Variants in ABCC1 observed in about 807,000 individuals in gnomAD.
ABCC1 encodes multidrug resistance-associated protein 1.
In ABCC1, 83 loss-of-function variants were observed where a neutral mutation model predicts 172.9. That is an observed-to-expected ratio of 0.48 (90% confidence interval 0.40 to 0.58). The LOEUF (loss-of-function observed/expected upper bound fraction) is 0.58, where lower values mean the gene tolerates loss of function less well. Ranked by LOEUF, ABCC1 falls within the 20% of genes least tolerant of loss-of-function variation. ABCC1 has a pLI of 0.00. For synonymous variants in ABCC1, 937 were observed against 825.2 expected (o/e 1.14, Z -2.32); for missense variants, 1,817 against 2,002.7 (o/e 0.91, Z 1.77).
At chr16:16,110,522 T>G (rs1220917103) in intron 21 of ABCC1, among the ~76,000 whole-genome samples, 1 of 152,094 alleles carries the variant, frequency 6.6e-6, no homozygotes, top group African/African-American at 2.4e-5. Context: ...CCCGAGTAGC[T>G]GAGATGACAT....
In ABCC1 at chr16:16,141,297, T is replaced by C. The variant is rs2046118271; in HGVS notation, c.*16T>C. 1.2e-6 allele frequency: 2 copies of C among 1,612,060 alleles called. No homozygotes were observed. The highest frequency in any genetic ancestry group is 1.7e-5 in the Admixed American group (1 of 59,986). ...CTTGGTGTGAGCCCCAGAGCTGGCA[T>C]ATCTGGTCAGAACTGCAGGGCCTAT... On this transcript the variant is annotated 3_prime_UTR_variant, in exon 31 of 31. Transcript: ENST00000399410.
chr16:15,958,428 G>T (rs2046053704), intron 1 of ABCC1, among the ~76,000 whole-genome samples: 1 of 152,054 alleles, frequency 6.6e-6, no homozygotes, highest in Non-Finnish European at 1.5e-5. Context: ...TTTTAAAATT[G>T]TGCTTCCTCA....
chr16:15,985,290 G>T (rs1419887804), intron 1 of ABCC1, among the ~76,000 whole-genome samples: 1 of 152,196 alleles, frequency 6.6e-6, no homozygotes. Context: ...TTCACTGGAG[G>T]TGCTGTTGGG....
At chr16:16,079,806 CATT>C (rs2050735495) in intron 16 of ABCC1, among the ~76,000 whole-genome samples, 1 of 150,338 alleles carries the variant, frequency 6.7e-6, no homozygotes, top group Non-Finnish European at 1.5e-5. Flanking sequence ...TTATTATTAT[CATT>C]ATTATTGTGT....
rs1211132534 is a variant in ABCC1, at chr16:16,083,447, G to C, written c.2197G>C (p.Glu733Gln). 1.9e-6 allele frequency: 3 copies of C among 1,613,820 alleles called. No homozygotes were observed. The African/African-American group carries it at 4.0e-5, about 22-fold the overall frequency. ...AAACATCCTTTTTGGATGTCAGCTG[G>C]AGGAACCATATTACAGGTCCGTGAT... Reference protein sequence around the residue: ...RENILFGCQLEEPYYRSVIQA... With the variant: ...RENILFGCQLQEPYYRSVIQA... Residue 733 changes from glutamate to glutamine, a missense_variant, in exon 17 of 31, where the codon GAG becomes CAG. Transcript: ENST00000399410.
At position 16,052,773 on chromosome 16, in the gene ABCC1, T is replaced by G. The variant is rs1322074946; in HGVS notation, c.1430T>G (p.Val477Gly). Residue 477 changes from valine (V) to glycine (G), a missense_variant, in exon 11 of 31, where the codon GTG becomes GGG. This residue lies in a region of ABCC1 where 1,412 missense variants were observed against 1,600.3 expected (regional missense o/e 0.88). Coordinates refer to ENST00000399410, the MANE Select transcript of ABCC1 (RefSeq NM_004996.4). ...LAGVAVMVLM[V>G]PVNAVMAMKT... The stretch of plus-strand genomic sequence containing the variant: ...GGAGTGGCGGTGATGGTCCTCATGG[T>G]GCCCGTCAATGCTGTGATGGCGATG... 3 of 1,614,002 alleles carry G rather than the reference T, an allele frequency of 1.9e-6. No individual in the cohort carries two copies. The African/African-American group carries it at 4.0e-5, about 22-fold the overall frequency.
At chr16:16,126,558 A>G (rs1375548094) in intron 26 of ABCC1, among the ~76,000 whole-genome samples, 1 of 151,708 alleles carries the variant, frequency 6.6e-6, no homozygotes, top group Non-Finnish European at 1.5e-5. Context: ...TAATTTTTGT[A>G]TTTTTAGTAG....
rs543668735 is a variant in ABCC1, at chr16:16,106,567, A to C, written c.2736-171A>C. ...TGGGTACCTATAAACCTGGAGAGTGACATGGTGGGGTGTGGTGCATATATT... is the reference window on the plus strand; with the variant it reads ...TGGGTACCTATAAACCTGGAGAGTGCCATGGTGGGGTGTGGTGCATATATT... On this transcript the variant is annotated intron_variant, in intron 20 of 30. Transcript: ENST00000399410. 7.4e-3 allele frequency: 4,523 copies of C among 610,466 alleles called. 37 individuals carry two copies. The highest frequency in any genetic ancestry group is 8.2e-3 in the Non-Finnish European group (3,215 of 392,688). The allele number at this position is 610,466 out of a possible 1,614,324, so 37.8% of individuals were successfully genotyped here.
intron 1 of ABCC1, among the ~76,000 whole-genome samples, chr16:15,991,435 A>G (rs765271148): frequency 1.7e-4 from 26 of 152,250 alleles, no homozygotes; most frequent in Non-Finnish European, 3.5e-4. Flanking sequence ...TTGTTCTGCA[A>G]AAGAAGAGTA....
chr16:16,010,668 T>C (rs1049946374), intron 3 of ABCC1, among the ~76,000 whole-genome samples: 2 of 152,202 alleles, frequency 1.3e-5, no homozygotes, highest in Non-Finnish European at 2.9e-5. Flanking sequence ...GCACTTACTA[T>C]GTATGTACCT....
intron 1 of ABCC1, among the ~76,000 whole-genome samples, chr16:16,006,877 C>T (rs369129720): frequency 4.0e-5 from 6 of 149,510 alleles, no homozygotes; most frequent in South Asian, 4.3e-4. Context: ...GTGGCGGTGG[C>T]GGTGATGGTG....
intron 7 of ABCC1, among the ~76,000 whole-genome samples, chr16:16,041,883 G>A (rs976458963): frequency 4.6e-5 from 7 of 152,068 alleles, no homozygotes; most frequent in African/African-American, 1.7e-4. Flanking sequence ...GCTCACCTGA[G>A]TTCATGAGTT....
In ABCC1 at chr16:16,044,669, G is replaced by T. The variant is rs568658348; in HGVS notation, c.1029G>T (p.Pro343=). The change falls in exon 8 of 31, where the codon CCG becomes CCT. Residue 343 remains proline (P), a synonymous_variant. Transcript: ENST00000399410. Reference sequence around the variant, plus strand: ...ACGACCTGATGATGTTTTCCGGGCCGCAGATCTTAAAGTAAGACCCCTTCC... The same window carrying T: ...ACGACCTGATGATGTTTTCCGGGCCTCAGATCTTAAAGTAAGACCCCTTCC... The part of the protein sequence containing the change: ...AIHDLMMFSG[P]QILKLLIKFV... The T allele has an allele frequency of 6.8e-6, 11 of 1,613,976 alleles. No homozygotes were observed. The highest frequency in any genetic ancestry group is 9.3e-6 in the Non-Finnish European group (11 of 1,179,914).
intron 23 of ABCC1, among the ~76,000 whole-genome samples, chr16:16,115,888 A>T (rs192951123): frequency 6.0e-5 from 9 of 150,594 alleles, no homozygotes; most frequent in Non-Finnish European, 1.2e-4. Flanking sequence ...CAAGCCTTTC[A>T]TTCTTTCTTT....
At chr16:16,091,582 G>A (rs2051259352) in intron 19 of ABCC1, among the ~76,000 whole-genome samples, 1 of 152,146 alleles carries the variant, frequency 6.6e-6, no homozygotes, top group African/African-American at 2.4e-5. Flanking sequence ...AGAAGATCTG[G>A]GAAGTGTTGT....
chr16:16,077,145 T>G (rs1364636505), intron 15 of ABCC1, among the ~76,000 whole-genome samples: 1 of 152,198 alleles, frequency 6.6e-6, no homozygotes, highest in Non-Finnish European at 1.5e-5. Context: ...CCAGAGGCCT[T>G]GATCAACAGC....
intron 20 of ABCC1, among the ~76,000 whole-genome samples, chr16:16,103,753 T>G (rs576046723): frequency 3.9e-5 from 6 of 152,248 alleles, no homozygotes; most frequent in African/African-American, 1.4e-4. Flanking sequence ...CATAGCACGG[T>G]GCCTGGAACA....
At chr16:16,080,882 T>TTTTC (rs1311231183) in intron 16 of ABCC1, among the ~76,000 whole-genome samples, 4 of 151,842 alleles carry the variant, frequency 2.6e-5, no homozygotes, top group Admixed American at 2.6e-4. Flanking sequence ...GTTGTGGGTT[T>TTTTC]TGAGACAGAG....
chr16:16,015,213 C>T (rs1262103202), intron 4 of ABCC1, among the ~76,000 whole-genome samples: 1 of 150,312 alleles, frequency 6.7e-6, no homozygotes, highest in Admixed American at 6.7e-5. Flanking sequence ...GATCTAGGCT[C>T]ACTGTAACTT....
Sources: allele counts gnomAD v4.1 joint callset (sites outside exome capture counted in the v4.1 genomes callset), GRCh38; gene constraint gnomAD v4.1.1; regional missense constraint gnomAD v4.1.1; transcripts MANE v1.5; gene names NCBI Gene and HGNC (gene_info 2026-07-23, HGNC 2026-07-21).